GPC5: variants seen among roughly 807,000 people sequenced by gnomAD.
The protein encoded by GPC5 is glypican 5.
Under a neutral mutation model 53.9 loss-of-function variants are expected in GPC5, and 47 were observed. The observed-to-expected ratio is 0.87, with a 90% CI of 0.69 to 1.11. The LOEUF is 1.11. GPC5 is among the 50% of genes most tolerant of loss of function. GPC5 has a pLI of 0.00. For missense variants in GPC5, 748 were observed against 713.1 expected (o/e 1.05, Z -0.56); for synonymous variants, 286 against 263.3 (o/e 1.09, Z -0.84).
At chr13:91,584,119 C>A (rs910291517) in intron 2 of GPC5, among the ~76,000 whole-genome samples, 5 of 152,114 alleles carry the variant, frequency 3.3e-5, no homozygotes, top group Admixed American at 1.3e-4. Flanking sequence ...GAGAAGATGG[C>A]CATCTGCAAG....
At chr13:91,819,606 A>G (rs1488489723) in intron 5 of GPC5, among the ~76,000 whole-genome samples, 1 of 152,138 alleles carries the variant, frequency 6.6e-6, no homozygotes, top group Non-Finnish European at 1.5e-5. Flanking sequence ...ATTCATTTTA[A>G]TTGCTGAATA....
intron 6 of GPC5, among the ~76,000 whole-genome samples, chr13:91,965,013 CGT>C (rs2040166897): frequency 7.1e-6 from 1 of 141,772 alleles, no homozygotes; most frequent in Non-Finnish European, 1.5e-5. Context: ...TATTCTCACT[CGT>C]AGGTGGGAAT....
At chr13:92,624,102 T>C (rs1027051013) in intron 7 of GPC5, among the ~76,000 whole-genome samples, 3 of 148,844 alleles carry the variant, frequency 2.0e-5, no homozygotes, top group South Asian at 4.3e-4. Context: ...TTAGATGAAG[T>C]CTTGCTCTGT....
At chr13:92,586,688 T>C (rs1883547095) in intron 7 of GPC5, among the ~76,000 whole-genome samples, 1 of 152,138 alleles carries the variant, frequency 6.6e-6, no homozygotes, top group African/African-American at 2.4e-5. Context: ...GCCAAATAGA[T>C]GGTTGTGAAT....
In GPC5 at chr13:91,447,680, C is replaced by T. The variant is rs557896709; in HGVS notation, c.164-1081C>T. Among the ~76,000 whole-genome samples, 14 of 152,166 alleles carry T rather than the reference C, an allele frequency of 9.2e-5. No individual in the cohort carries two copies. The South Asian group carries it at 1.9e-3, about 20-fold the overall frequency. ...TTGAAAGGTGGTTGTTATGTGCATGCGTCTTGTGTGTATGTCTGTGTGCAT... is the reference window on the plus strand; with the variant it reads ...TTGAAAGGTGGTTGTTATGTGCATGTGTCTTGTGTGTATGTCTGTGTGCAT... On this transcript the variant is annotated intron_variant, in intron 1 of 7. Coordinates refer to ENST00000377067, the MANE Select transcript of GPC5 (RefSeq NM_004466.6).
At chr13:92,151,611 C>T (rs2041908101) in intron 7 of GPC5, among the ~76,000 whole-genome samples, 1 of 152,102 alleles carries the variant, frequency 6.6e-6, no homozygotes, top group Admixed American at 6.5e-5. Flanking sequence ...CTTCTTAACA[C>T]CAAAGTAGAA....
chr13:92,364,196 A>G (rs2043590340), intron 7 of GPC5, among the ~76,000 whole-genome samples: 1 of 151,774 alleles, frequency 6.6e-6, no homozygotes, highest in South Asian at 2.1e-4. Flanking sequence ...CTGAATATAT[A>G]CTAATTTATC....
At chr13:92,337,198 C>A (rs935646050) in intron 7 of GPC5, among the ~76,000 whole-genome samples, 1 of 109,102 alleles carries the variant, frequency 9.2e-6, no homozygotes, top group African/African-American at 5.6e-5. Context: ...CAGCACCCCC[C>A]ACCCAAAAAA....
At chr13:92,372,574 G>A (rs769192250) in intron 7 of GPC5, among the ~76,000 whole-genome samples, 1 of 151,936 alleles carries the variant, frequency 6.6e-6, no homozygotes, top group African/African-American at 2.4e-5. Context: ...TTTTTCATTC[G>A]TTGGATTCCA....
At chr13:92,654,417 G>A (rs1886059262) in intron 7 of GPC5, among the ~76,000 whole-genome samples, 2 of 152,076 alleles carry the variant, frequency 1.3e-5, no homozygotes, top group Admixed American at 6.5e-5. Context: ...CATTTGATAA[G>A]GCATATTTTA....
intron 7 of GPC5, among the ~76,000 whole-genome samples, chr13:92,158,782 A>G (rs1193654314): frequency 1.3e-5 from 2 of 152,084 alleles, no homozygotes; most frequent in African/African-American, 2.4e-5. Context: ...TTTTGCTGAG[A>G]TATGGAAACT....
chr13:91,608,146 G>A (rs910748530), intron 2 of GPC5, among the ~76,000 whole-genome samples: 7 of 152,282 alleles, frequency 4.6e-5, no homozygotes, highest in Admixed American at 4.6e-4. Flanking sequence ...GTGTAGGGTA[G>A]ATGGGAATAT....
At chr13:92,346,531 TCACTGGCTAGTTTAA>T (rs2043414050) in intron 7 of GPC5, among the ~76,000 whole-genome samples, 1 of 152,088 alleles carries the variant, frequency 6.6e-6, no homozygotes, top group African/African-American at 2.4e-5. Context: ...CTTTCCAGAG[TCACTGGCTAGTTTAA>T]ATAGCAAGGG....
At chr13:91,725,423 C>T (rs1178585695) in intron 3 of GPC5, among the ~76,000 whole-genome samples, 1 of 152,134 alleles carries the variant, frequency 6.6e-6, no homozygotes, top group East Asian at 1.9e-4. Context: ...CAAATTGGCT[C>T]ACCTCTAGGG....
intron 6 of GPC5, among the ~76,000 whole-genome samples, chr13:92,115,276 AG>A (rs2041591372): frequency 6.6e-6 from 1 of 152,196 alleles, no homozygotes; most frequent in South Asian, 2.1e-4. Context: ...CGGGAGGCCG[AG>A]GTGGGTAGAT....
chr13:92,572,058 G>A (rs1347500475), intron 7 of GPC5, among the ~76,000 whole-genome samples: 1 of 152,004 alleles, frequency 6.6e-6, no homozygotes, highest in Non-Finnish European at 1.5e-5. Context: ...AAAGTAAGCT[G>A]TTAGCCATGT....
At chr13:92,495,737 C>A (rs994055534) in intron 7 of GPC5, among the ~76,000 whole-genome samples, 1 of 151,270 alleles carries the variant, frequency 6.6e-6, no homozygotes, top group Non-Finnish European at 1.5e-5. Context: ...GTTGTTTAAC[C>A]CCTATTTATA....
At chr13:92,605,131 T>C (rs1321871679) in intron 7 of GPC5, among the ~76,000 whole-genome samples, 1 of 152,184 alleles carries the variant, frequency 6.6e-6, no homozygotes, top group Non-Finnish European at 1.5e-5. Flanking sequence ...AAAAACCAAT[T>C]AGAAATCTGT....
At chr13:91,590,696 G>C (rs574810295) in intron 2 of GPC5, among the ~76,000 whole-genome samples, 6 of 152,080 alleles carry the variant, frequency 3.9e-5, no homozygotes, top group Admixed American at 6.5e-5. Context: ...TTTCCCAGGG[G>C]CTTAATTTTA....
Sources: allele counts gnomAD v4.1 joint callset (sites outside exome capture counted in the v4.1 genomes callset), GRCh38; gene constraint gnomAD v4.1.1; transcripts MANE v1.5; gene names NCBI Gene and HGNC (gene_info 2026-07-23, HGNC 2026-07-21).